ZBTB20: variants seen among roughly 807,000 people sequenced by gnomAD.
ZBTB20 encodes the protein zinc finger and BTB domain-containing protein 20.
ZBTB20 carries 9 observed loss-of-function variants against 56.9 expected under a neutral mutation model. The ratio of observed to expected loss-of-function variants is 0.16; its 90% CI spans 0.10 to 0.28. ZBTB20 has a LOEUF of 0.28. Among genes scored for constraint, ZBTB20 ranks in the 10% least tolerant of loss-of-function variants. The pLI, the probability that ZBTB20 is intolerant of heterozygous loss-of-function variation, is 1.00. For synonymous variants in ZBTB20, 417 were observed against 420.7 expected, an observed-to-expected ratio of 0.99 and a Z score of 0.11; for missense variants, 655 against 1,003.0, an observed-to-expected ratio of 0.65 and a Z score of 4.69.
intron 11 of ZBTB20, among the ~76,000 whole-genome samples, chr3:114,347,692 A>C (rs1035634737): frequency 3.9e-5 from 6 of 152,236 alleles, no homozygotes; most frequent in Non-Finnish European, 7.3e-5. Context: ...GGGATCCTTC[A>C]GTTAGACAAT....
At chr3:114,417,276 G>C (rs928276863) in intron 7 of ZBTB20, among the ~76,000 whole-genome samples, 3 of 151,974 alleles carry the variant, frequency 2.0e-5, no homozygotes, top group African/African-American at 4.8e-5. Flanking sequence ...CACAAAAATG[G>C]CTGTTGCACA....
At chr3:115,084,414 A>T (rs937494412) in intron 1 of ZBTB20, among the ~76,000 whole-genome samples, 1 of 151,914 alleles carries the variant, frequency 6.6e-6, no homozygotes, top group Non-Finnish European at 1.5e-5. Context: ...TTTAATTAGT[A>T]AACACTGAAA....
intron 6 of ZBTB20, among the ~76,000 whole-genome samples, chr3:114,645,663 A>C (rs1304559548): frequency 1.3e-5 from 2 of 152,170 alleles, no homozygotes; most frequent in Non-Finnish European, 2.9e-5. Flanking sequence ...TGAGTCATGG[A>C]GATGTAATGT....
At chr3:114,961,652 T>C (rs931954101) in intron 3 of ZBTB20, among the ~76,000 whole-genome samples, 19 of 152,166 alleles carry the variant, frequency 1.2e-4, no homozygotes, top group Non-Finnish European at 5.9e-5. Context: ...AATGACAACC[T>C]TCCCGTTGTT....
intron 5 of ZBTB20, among the ~76,000 whole-genome samples, chr3:114,751,880 C>T (rs2067588835): frequency 6.6e-6 from 1 of 152,082 alleles, no homozygotes; most frequent in South Asian, 2.1e-4. Flanking sequence ...GATAATATCT[C>T]TGACCCGCTC....
intron 1 of ZBTB20, among the ~76,000 whole-genome samples, chr3:115,073,802 T>G (rs999970359): frequency 1.4e-5 from 2 of 145,284 alleles, no homozygotes; most frequent in Non-Finnish European, 3.0e-5. Context: ...CTAAGAATTA[T>G]AAAATATTTT....
At chr3:114,864,375 T>C (rs2075671154) in intron 4 of ZBTB20, among the ~76,000 whole-genome samples, 2 of 152,100 alleles carry the variant, frequency 1.3e-5, no homozygotes, top group Admixed American at 6.6e-5. Context: ...TTATCATTTC[T>C]TATTTATTTA....
chr3:114,370,801 T>A (rs1225357932), intron 10 of ZBTB20, among the ~76,000 whole-genome samples: 1 of 152,210 alleles, frequency 6.6e-6, no homozygotes, highest in African/African-American at 2.4e-5. Flanking sequence ...TGGTAGCTCA[T>A]ACTCGGCACT....
At chr3:114,401,713 T>C (rs1289195978) in intron 7 of ZBTB20, among the ~76,000 whole-genome samples, 1 of 152,072 alleles carries the variant, frequency 6.6e-6, no homozygotes, top group East Asian at 1.9e-4. Flanking sequence ...TTTTTATACT[T>C]GATCCCCACT....
At chr3:114,378,955 C>G (rs2083989712) in intron 10 of ZBTB20, 1 of 152,222 alleles carries the variant, frequency 6.6e-6, no homozygotes, top group African/African-American at 2.4e-5. Context: ...CGTTACTTCC[C>G]TTTTCATTTT....
intron 7 of ZBTB20, among the ~76,000 whole-genome samples, chr3:114,453,040 T>C (rs1344284591): frequency 6.6e-6 from 1 of 152,156 alleles, no homozygotes; most frequent in Non-Finnish European, 1.5e-5. Context: ...GTACAGCATA[T>C]ATAAAAGATA....
intron 3 of ZBTB20, among the ~76,000 whole-genome samples, chr3:114,928,604 A>G (rs2076244399): frequency 6.6e-6 from 1 of 152,254 alleles, no homozygotes; most frequent in Non-Finnish European, 1.5e-5. Context: ...TTAAAAATGT[A>G]GACTCCCACA....
At position 114,675,463 on chromosome 3, in the gene ZBTB20, G is replaced by A. The variant is rs368266625; in HGVS notation, c.-295+18065C>T. ...AGCATTCCCAACATTCTGTTTTAAA[G>A]TTTTTGTGTGTATATCTTCAAAAAT... is the stretch of plus-strand genomic sequence containing the variant. On this transcript the variant is annotated intron_variant, in intron 6 of 11. Coordinates refer to ENST00000675478, the MANE Select transcript of ZBTB20 (RefSeq NM_001348800.3). Among the ~76,000 whole-genome samples, 9 of 152,154 alleles carry A rather than the reference G, an allele frequency of 5.9e-5. No homozygotes were observed. In the East Asian group the frequency reaches 1.5e-3, roughly 26 times the overall value.
At chr3:115,118,172 TTTG>T (rs1397494339) in intron 1 of ZBTB20, among the ~76,000 whole-genome samples, 6 of 152,158 alleles carry the variant, frequency 3.9e-5, no homozygotes, top group Non-Finnish European at 1.5e-5. Context: ...ATTCTCAAAT[TTTG>T]TTGTATTGTA....
intron 2 of ZBTB20, among the ~76,000 whole-genome samples, chr3:115,037,169 G>A (rs2080960464): frequency 6.6e-6 from 1 of 151,988 alleles, no homozygotes; most frequent in South Asian, 2.1e-4. Context: ...ATCTGATAAG[G>A]TCCACCTATT....
intron 10 of ZBTB20, among the ~76,000 whole-genome samples, chr3:114,356,882 C>A (rs931573978): frequency 9.2e-5 from 14 of 152,244 alleles, no homozygotes; most frequent in African/African-American, 3.4e-4. Context: ...TGCACCACCC[C>A]ACTCTCTCTT....
At chr3:114,940,037 A>G (rs142738293) in intron 3 of ZBTB20, among the ~76,000 whole-genome samples, 1 of 146,600 alleles carries the variant, frequency 6.8e-6, no homozygotes, top group East Asian at 1.9e-4. Context: ...GTGTTTCACC[A>G]TCATTGTAAG....
chr3:115,094,533 T>C (rs888968654), intron 1 of ZBTB20, among the ~76,000 whole-genome samples: 2 of 151,474 alleles, frequency 1.3e-5, no homozygotes, highest in Non-Finnish European at 2.9e-5. Flanking sequence ...AGTTTTCTGC[T>C]AGTAATAGCT....
At chr3:115,143,624 T>C (rs1272188159) in intron 1 of ZBTB20, among the ~76,000 whole-genome samples, 1 of 152,218 alleles carries the variant, frequency 6.6e-6, no homozygotes, top group Non-Finnish European at 1.5e-5. Context: ...TTACCATACT[T>C]TGCTAACGGG....
Sources: gnomAD v4.1 joint callset for allele counts (sites outside exome capture counted in the v4.1 genomes callset) on GRCh38, gnomAD v4.1.1 for gene constraint, MANE v1.5 for transcripts, NCBI Gene and HGNC (gene_info 2026-07-23, HGNC 2026-07-21) for gene names.